Variants in USP53 observed in about 807,000 individuals in gnomAD.
USP53 encodes ubiquitin specific peptidase 53.
USP53 carries 71 observed loss-of-function variants against 94.9 expected under a neutral mutation model. The observed-to-expected ratio is 0.75, with a 90% CI of 0.62 to 0.91. The LOEUF (loss-of-function observed/expected upper bound fraction) is 0.91, where lower values mean the gene tolerates loss of function less well. USP53 is among the 40% of genes least tolerant of loss of function. The pLI, the probability that USP53 is intolerant of heterozygous loss-of-function variation, is 0.00. For synonymous variants in USP53, 375 were observed against 422.7 expected, an observed-to-expected ratio of 0.89 and a Z score of 1.39; for missense variants, 1,173 against 1,281.0, an observed-to-expected ratio of 0.92 and a Z score of 1.29.
intron 13 of USP53, among the ~76,000 whole-genome samples, chr4:119,267,694 A>G (rs1265222390): frequency 2.6e-5 from 4 of 152,208 alleles, no homozygotes; most frequent in Non-Finnish European, 4.4e-5. Context: ...ACCCACTATT[A>G]TGGTCACACA....
At chr4:119,234,463 T>C (rs1746470997) in intron 3 of USP53, among the ~76,000 whole-genome samples, 1 of 152,236 alleles carries the variant, frequency 6.6e-6, no homozygotes, top group Non-Finnish European at 1.5e-5. Flanking sequence ...ATTATCTGTT[T>C]GTGTCTGTGC....
intron 3 of USP53, among the ~76,000 whole-genome samples, chr4:119,222,591 C>T (rs1744697013): frequency 6.6e-6 from 1 of 152,104 alleles, no homozygotes; most frequent in Admixed American, 6.6e-5. Flanking sequence ...ACTTAATATC[C>T]TTCACTTCCA....
intron 17 of USP53, among the ~76,000 whole-genome samples, chr4:119,276,165 C>G (rs1257811361): frequency 1.9e-5 from 2 of 103,552 alleles, no homozygotes; most frequent in African/African-American, 6.2e-5. Flanking sequence ...GAGGGCATCC[C>G]TGTCTTGTGC....
intron 3 of USP53, among the ~76,000 whole-genome samples, chr4:119,227,831 A>G (rs1460576510): frequency 2.6e-5 from 4 of 152,192 alleles, no homozygotes; most frequent in African/African-American, 9.7e-5. Context: ...AATGGAAACA[A>G]CTGCAATTAA....
intron 6 of USP53, among the ~76,000 whole-genome samples, chr4:119,246,125 A>G (rs1014164149): frequency 6.6e-6 from 1 of 152,222 alleles, no homozygotes; most frequent in African/African-American, 2.4e-5. Context: ...AGGTGAGGGT[A>G]GCCGAGGTGG....
intron 3 of USP53, among the ~76,000 whole-genome samples, chr4:119,234,261 G>A (rs1169566694): frequency 6.6e-6 from 1 of 152,126 alleles, no homozygotes; most frequent in Non-Finnish European, 1.5e-5. Flanking sequence ...TTTTCCATTT[G>A]GTAGCATTTG....
intron 5 of USP53, among the ~76,000 whole-genome samples, 192 bp downstream of exon 5, chr4:119,240,095 T>G (rs1747315099): frequency 6.6e-6 from 1 of 152,128 alleles, no homozygotes; most frequent in African/African-American, 2.4e-5. Context: ...ATGGTTTTTT[T>G]CAACAGACTG....
intron 5 of USP53, among the ~76,000 whole-genome samples, chr4:119,241,868 C>T (rs527999997): frequency 6.6e-6 from 1 of 152,242 alleles, no homozygotes; most frequent in East Asian, 1.9e-4. Flanking sequence ...CCAGTTGTTC[C>T]ACAGCTTACT....
intron 12 of USP53, 94 bp downstream of exon 12, chr4:119,261,958 T>G: frequency 9.7e-7 from 1 of 1,032,118 alleles, no homozygotes; most frequent in Non-Finnish European, 1.3e-6. Flanking sequence ...AAGGATGATA[T>G]AATTAATATG....
intron 3 of USP53, among the ~76,000 whole-genome samples, chr4:119,224,399 A>G (rs1026704187): frequency 7.2e-5 from 11 of 152,260 alleles, no homozygotes; most frequent in Non-Finnish European, 5.9e-5. Context: ...GTCAGAATGC[A>G]AATTACTGTA....
chr4:119,234,891 C>G (rs1477594787), intron 3 of USP53, among the ~76,000 whole-genome samples: 2 of 152,178 alleles, frequency 1.3e-5, no homozygotes, highest in Non-Finnish European at 2.9e-5. Flanking sequence ...GTTCCGCATC[C>G]CACAAACACT....
At chr4:119,221,936 T>C (rs928533922) in intron 3 of USP53, among the ~76,000 whole-genome samples, 1 of 152,140 alleles carries the variant, frequency 6.6e-6, no homozygotes, top group Non-Finnish European at 1.5e-5. Context: ...CAATATACAA[T>C]AGCACCTTGT....
intron 3 of USP53, among the ~76,000 whole-genome samples, chr4:119,229,474 T>C (rs114550566): frequency 0.014 from 2,098 of 152,298 alleles, 47 homozygotes; most frequent in African/African-American, 0.048. Flanking sequence ...AACTCATTCA[T>C]TTTATCCCAA....
intron 17 of USP53, among the ~76,000 whole-genome samples, chr4:119,289,764 C>T (rs1013639912): frequency 1.3e-5 from 2 of 152,158 alleles, no homozygotes; most frequent in African/African-American, 2.4e-5. Context: ...TCCCTGTAGA[C>T]CTTCAGGTTC....
intron 17 of USP53, among the ~76,000 whole-genome samples, chr4:119,287,205 T>A (rs911741238): frequency 6.8e-6 from 1 of 148,022 alleles, no homozygotes; most frequent in Non-Finnish European, 1.5e-5. Flanking sequence ...TCTGGGCAAA[T>A]TTTTTTTTTT....
intron 9 of USP53, 89 bp downstream of exon 9, chr4:119,256,612 T>C: frequency 7.5e-7 from 1 of 1,326,722 alleles, no homozygotes; most frequent in Non-Finnish European, 1.1e-6. Context: ...ATAGCATACA[T>C]GAATTTCCCC....
At chr4:119,257,433 A>G (rs1404446283) in intron 9 of USP53, among the ~76,000 whole-genome samples, 1 of 152,168 alleles carries the variant, frequency 6.6e-6, no homozygotes, top group Non-Finnish European at 1.5e-5. Context: ...GAGCAAGATT[A>G]CGTCTCACAA....
intron 2 of USP53, among the ~76,000 whole-genome samples, chr4:119,217,289 C>T (rs1296634703): frequency 6.6e-6 from 1 of 152,084 alleles, no homozygotes; most frequent in Non-Finnish European, 1.5e-5. Context: ...CTTAGGTGAG[C>T]AGATTGAGCC....
chr4:119,274,318 A>G (rs763933977), intron 17 of USP53, among the ~76,000 whole-genome samples: 25 of 142,488 alleles, frequency 1.8e-4, no homozygotes, highest in African/African-American at 4.8e-4. Flanking sequence ...TCATTGTTCA[A>G]TTCCCACCTA....
Sources: gnomAD v4.1 joint callset for allele counts (sites outside exome capture counted in the v4.1 genomes callset) on GRCh38, gnomAD v4.1.1 for gene constraint, MANE v1.5 for transcripts, NCBI Gene and HGNC (gene_info 2026-07-23, HGNC 2026-07-21) for gene names.